RBKS: variants seen among roughly 807,000 people sequenced by gnomAD.
The protein encoded by RBKS is ribokinase.
A neutral mutation model predicts 33.9 loss-of-function variants in RBKS; 33 were observed. That is an observed-to-expected ratio of 0.97 (90% CI 0.74 to 1.30). The LOEUF is 1.30. RBKS is among the 50% of genes most tolerant of loss of function. The pLI, the probability that RBKS is intolerant of heterozygous loss-of-function variation, is 0.00. For missense variants in RBKS, 361 were observed against 392.6 expected (o/e 0.92, Z 0.68); for synonymous variants, 125 against 143.0 (o/e 0.87, Z 0.90).
intron 2 of RBKS, among the ~76,000 whole-genome samples, chr2:27,849,214 T>A (rs1663685090): frequency 6.6e-6 from 1 of 152,268 alleles, no homozygotes; most frequent in Middle Eastern, 3.4e-3. Flanking sequence ...ATTTTATTTT[T>A]TTTTGCTTAA....
At chr2:27,793,471 G>A (rs964982236) in intron 7 of RBKS, among the ~76,000 whole-genome samples, 1 of 152,214 alleles carries the variant, frequency 6.6e-6, no homozygotes, top group African/African-American at 2.4e-5. Context: ...GCTCCCTGAT[G>A]TGGGGCCTGG....
intron 7 of RBKS, among the ~76,000 whole-genome samples, chr2:27,791,670 CATAT>C (rs1677529035): frequency 6.6e-6 from 1 of 151,018 alleles, no homozygotes; most frequent in African/African-American, 2.4e-5. Context: ...TATACATATA[CATAT>C]ACATATACAT....
chr2:27,876,317 T>C (rs985801904), intron 1 of RBKS, among the ~76,000 whole-genome samples: 8 of 152,208 alleles, frequency 5.3e-5, no homozygotes, highest in Non-Finnish European at 1.0e-4. Flanking sequence ...AAGAAAATTC[T>C]GAAACATGCT....
chr2:27,865,895 A>G (rs1305536948), intron 1 of RBKS, among the ~76,000 whole-genome samples: 2 of 152,142 alleles, frequency 1.3e-5, no homozygotes, highest in Non-Finnish European at 2.9e-5. Context: ...TTACTTCCAC[A>G]TGATGTAAAC....
In RBKS at chr2:27,798,542, C is replaced by A. The variant is rs1677706067; in HGVS notation, c.796-16754G>T. On this transcript the variant is annotated intron_variant, in intron 7 of 7. Transcript: ENST00000302188. ...GTCCTCTTGTCTCCACTCCTACCCC[C>A]ACTGCCCCAGTAATGTTCACATCAC... Among the ~76,000 whole-genome samples the A allele has an allele frequency of 3.9e-5, 6 of 152,162 alleles. No individual in the cohort carries two copies. In the South Asian group the frequency reaches 1.2e-3, roughly 32 times the overall value.
At chr2:27,869,737 C>T (rs1027101139) in intron 1 of RBKS, 5 of 185,214 alleles carry the variant, frequency 2.7e-5, no homozygotes, top group African/African-American at 9.5e-5. Flanking sequence ...TGCAACTAGA[C>T]GGTCCTATCT....
intron 1 of RBKS, among the ~76,000 whole-genome samples, chr2:27,877,957 T>C (rs142840178): frequency 5.2e-4 from 79 of 152,312 alleles, no homozygotes; most frequent in African/African-American, 1.8e-3. Flanking sequence ...TAGCACTAAG[T>C]GAACTACGTG....
intron 7 of RBKS, among the ~76,000 whole-genome samples, chr2:27,805,757 T>C (rs1677884241): frequency 6.6e-6 from 1 of 151,998 alleles, no homozygotes; most frequent in Admixed American, 6.6e-5. Flanking sequence ...GTATTTTTAG[T>C]AGAGACGGGG....
At chr2:27,888,970 G>A (rs1664627469) in intron 1 of RBKS, among the ~76,000 whole-genome samples, 1 of 152,096 alleles carries the variant, frequency 6.6e-6, no homozygotes. Context: ...TTTTTATCTT[G>A]GCACAGTGTC....
chr2:27,855,901 T>C (rs965763343), intron 2 of RBKS, among the ~76,000 whole-genome samples: 10 of 152,204 alleles, frequency 6.6e-5, no homozygotes, highest in Non-Finnish European at 2.9e-5. Flanking sequence ...GAGAAAGCCA[T>C]AGAAAATTTT....
At position 27,789,008 on chromosome 2, in the gene RBKS, T is replaced by C. The variant is rs141352690; in HGVS notation, c.796-7220A>G. Among the ~76,000 whole-genome samples, 738 of 152,328 alleles carry C rather than the reference T, an allele frequency of 4.8e-3. 8 individuals carry two copies. The highest frequency in any genetic ancestry group is 7.4e-3 in the Non-Finnish European group (506 of 68,028). ...TAATAAACTGATTTTAAAATGTATA[T>C]GTAAATGGAAATGACCTAGAATAGC... On this transcript the variant is annotated intron_variant, in intron 7 of 7. Coordinates refer to ENST00000302188, the MANE Select transcript of RBKS (RefSeq NM_022128.3).
At chr2:27,832,652 TTC>T in intron 6 of RBKS, 32 bp downstream of exon 6, 1 of 1,446,186 alleles carries the variant, frequency 6.9e-7, no homozygotes, top group Non-Finnish European at 9.7e-7. Context: ...AACTTTTGGT[TTC>T]TCATAGAATG....
intron 7 of RBKS, among the ~76,000 whole-genome samples, chr2:27,792,598 T>C (rs1346532654): frequency 6.6e-6 from 1 of 152,110 alleles, no homozygotes; most frequent in African/African-American, 2.4e-5. Context: ...TCTTAACACA[T>C]GTCGTTTCTT....
intron 4 of RBKS, among the ~76,000 whole-genome samples, chr2:27,844,719 C>T (rs1471471391): frequency 6.6e-6 from 1 of 152,140 alleles, no homozygotes. Context: ...TGATTACACA[C>T]TGTAATGATA....
chr2:27,817,953 C>T (rs56119040), intron 7 of RBKS, among the ~76,000 whole-genome samples: 2,626 of 152,250 alleles, frequency 0.017, 76 homozygotes, highest in African/African-American at 0.057. Flanking sequence ...GATTACAATT[C>T]GAGATGAGAT....
chr2:27,881,021 CT>C (rs972442724), intron 1 of RBKS, among the ~76,000 whole-genome samples: 6 of 151,834 alleles, frequency 4.0e-5, no homozygotes, highest in Non-Finnish European at 8.8e-5. Flanking sequence ...CGAGACTAGC[CT>C]GAGCAACATG....
intron 7 of RBKS, among the ~76,000 whole-genome samples, chr2:27,784,429 T>C (rs1000622761): frequency 1.3e-5 from 2 of 152,236 alleles, no homozygotes; most frequent in African/African-American, 2.4e-5. Context: ...TTTAATGGGC[T>C]ATGTGCCCAG....
At chr2:27,822,536 A>G (rs551749345) in intron 7 of RBKS, among the ~76,000 whole-genome samples, 54 of 152,350 alleles carry the variant, frequency 3.5e-4, no homozygotes, top group Admixed American at 9.1e-4. Flanking sequence ...GAAACCTGCA[A>G]GTAACCTGCC....
rs1678082550 is a variant in RBKS at position 27,815,884 on chromosome 2, A to C, written c.795+11683T>G. 1.3e-5 allele frequency among the ~76,000 whole-genome samples: 2 copies of C among 152,154 alleles called. 1 individual carries two copies. The highest frequency in any genetic ancestry group is 2.9e-5 in the Non-Finnish European group (2 of 68,022). ...AGTTCTTTCTCTCTTGACTTTTTCC[A>C]AGGCTGAAACAATGGTTCCTTTTCT... On this transcript the variant is annotated intron_variant, in intron 7 of 7. Coordinates refer to ENST00000302188, the MANE Select transcript of RBKS (RefSeq NM_022128.3).
Sources: allele counts gnomAD v4.1 joint callset (sites outside exome capture counted in the v4.1 genomes callset), GRCh38; gene constraint gnomAD v4.1.1; transcripts MANE v1.5; gene names NCBI Gene and HGNC (gene_info 2026-07-23, HGNC 2026-07-21).